FNTA: variants seen among roughly 807,000 people sequenced by gnomAD.
FNTA encodes the protein farnesyltransferase, CAAX box, subunit alpha, also known as protein farnesyltransferase/geranylgeranyltransferase type-1 subunit alpha.
Under a neutral mutation model 55.2 loss-of-function variants are expected in FNTA, and 27 were observed. That is an observed-to-expected ratio of 0.49 (90% CI 0.36 to 0.67). The LOEUF is 0.67. Among genes scored for constraint, FNTA ranks in the 30% least tolerant of loss-of-function variants. The pLI is 0.00. For synonymous variants in FNTA, 176 were observed against 170.7 expected (o/e 1.03, Z -0.24); for missense variants, 422 against 464.7 (o/e 0.91, Z 0.85).
chr8:43,071,235 T>C (rs755188891), intron 4 of FNTA, among the ~76,000 whole-genome samples: 8 of 152,198 alleles, frequency 5.3e-5, no homozygotes, highest in Non-Finnish European at 8.8e-5. Context: ...AATTCAGTGT[T>C]TTTTAGTATA....
intron 1 of FNTA, among the ~76,000 whole-genome samples, chr8:43,058,108 T>C (rs925348206): frequency 6.6e-6 from 1 of 152,224 alleles, no homozygotes; most frequent in Non-Finnish European, 1.5e-5. Flanking sequence ...TAAGTAGTCA[T>C]TGAATGCCGC....
At chr8:43,057,710 C>T (rs567395424) in intron 1 of FNTA, among the ~76,000 whole-genome samples, 1 of 152,162 alleles carries the variant, frequency 6.6e-6, no homozygotes, top group Non-Finnish European at 1.5e-5. Flanking sequence ...GTAATCCCAG[C>T]ACTTTGGGAG....
chr8:43,059,583 A>G (rs1437879434), intron 2 of FNTA, among the ~76,000 whole-genome samples: 2 of 152,210 alleles, frequency 1.3e-5, no homozygotes, highest in African/African-American at 4.8e-5. Flanking sequence ...TGTTCAGCTC[A>G]GTTGGAATAC....
At chr8:43,069,393 T>TACA (rs576342234) in intron 3 of FNTA, among the ~76,000 whole-genome samples, 162 bp from the exon 4 acceptor site, 238 of 152,218 alleles carry the variant, frequency 1.6e-3, no homozygotes, top group African/African-American at 5.6e-3. Context: ...GTGCTGGGAT[T>TACA]ACAAGCATGA....
chr8:43,067,186 G>A (rs1317412032), intron 3 of FNTA, among the ~76,000 whole-genome samples: 1 of 152,136 alleles, frequency 6.6e-6, no homozygotes, highest in Non-Finnish European at 1.5e-5. Context: ...TGTCACTTCT[G>A]TCATGGTAGT....
At position 43,085,234 on chromosome 8, in the gene FNTA, A is replaced by G. The variant is rs750245957; in HGVS notation, c.1092A>G (p.Gln364=). ...GGAGATACATTGGAAGATCCCTTCA[A>G]AGCAAACACAGCACAGAAAATGACT... ...EYWRYIGRSL[Q]SKHSTENDSP... is the part of the protein sequence containing the mutation. Residue 364 remains glutamine (Q), a synonymous_variant, in exon 9 of 9, where the codon CAA becomes CAG. Transcript: ENST00000302279. The G allele has an allele frequency of 3.7e-6, 6 of 1,609,424 alleles. 1 individual carries two copies. The South Asian group carries it at 6.6e-5, about 18-fold the overall frequency.
At chr8:43,075,118 C>A (rs1810880356) in intron 5 of FNTA, among the ~76,000 whole-genome samples, 1 of 152,126 alleles carries the variant, frequency 6.6e-6, no homozygotes, top group Admixed American at 6.5e-5. Context: ...AAACACTACT[C>A]TTTGTTTTTC....
At chr8:43,059,984 AAG>A (rs1810494265) in intron 2 of FNTA, among the ~76,000 whole-genome samples, 1 of 152,224 alleles carries the variant, frequency 6.6e-6, no homozygotes, top group South Asian at 2.1e-4. Flanking sequence ...ATGTGATAAA[AAG>A]GACATTTTAT....
At chr8:43,082,884 A>G in intron 6 of FNTA, 1 of 280,784 alleles carries the variant, frequency 3.6e-6, no homozygotes, top group Non-Finnish European at 6.7e-6. Context: ...TGTCTCTACT[A>G]AAAATACAAA....
At chr8:43,059,029 C>CACTA (rs563058130) in intron 1 of FNTA, 63 bp from the exon 2 acceptor site, 1 of 1,184,280 alleles carries the variant, frequency 8.4e-7, no homozygotes, top group South Asian at 1.3e-5. Context: ...ATTTTAAAAA[C>CACTA]ACTAGAGTCC....
In FNTA at chr8:43,075,028, C is replaced by CT. The variant is rs1444827480; in HGVS notation, c.634-2187dup. Among the ~76,000 whole-genome samples, 7 of 152,078 alleles carry CT rather than the reference C, an allele frequency of 4.6e-5. No individual in the cohort carries two copies. In the South Asian group the frequency reaches 8.4e-4, roughly 18 times the overall value. ...GTAAGATGTTTACCATTTGGGGAATCTAAGTGAAGGGTACACAGGGCACTG... is the reference window on the plus strand; with the variant it reads ...GTAAGATGTTTACCATTTGGGGAATCTTAAGTGAAGGGTACACAGGGCACTG... On this transcript the variant is annotated intron_variant, in intron 5 of 8. Transcript: ENST00000302279.
At chr8:43,068,646 T>C (rs1049280250) in intron 3 of FNTA, among the ~76,000 whole-genome samples, 3 of 152,228 alleles carry the variant, frequency 2.0e-5, no homozygotes, top group Non-Finnish European at 4.4e-5. Flanking sequence ...ATAATTTTAG[T>C]TGGTTGGCTG....
intron 7 of FNTA, among the ~76,000 whole-genome samples, chr8:43,083,664 T>C (rs1450034630): frequency 6.6e-6 from 1 of 152,004 alleles, no homozygotes; most frequent in Non-Finnish European, 1.5e-5. Flanking sequence ...ACATAAGAGG[T>C]CTTCAAGGAA....
intron 6 of FNTA, chr8:43,079,113 G>T: frequency 1.3e-5 from 2 of 158,358 alleles, no homozygotes; most frequent in South Asian, 1.8e-4. Flanking sequence ...TCCATAGCAT[G>T]GAAGTGCAAG....
chr8:43,077,373 TCTC>T lies in FNTA; in HGVS notation c.782+12_782+14del, dbSNP rs779676523. 1 of 1,598,378 alleles carries T rather than the reference TCTC, an allele frequency of 6.3e-7. No homozygotes were observed. The highest frequency in any genetic ancestry group is 8.5e-7 in the Non-Finnish European group (1 of 1,170,732). On this transcript the variant is annotated intron_variant, in intron 6 of 8. Coordinates refer to ENST00000302279, the MANE Select transcript of FNTA (RefSeq NM_002027.3). Reference sequence around the variant, plus strand: ...TTGGAGAGAGAAGTCCAGTTAGTAATCTCCTTCACTTGCTCATTCGTTACAAAC... The same window carrying T: ...TTGGAGAGAGAAGTCCAGTTAGTAATCTTCACTTGCTCATTCGTTACAAAC...
chr8:43,064,427 C>T (rs1267225761), intron 3 of FNTA, among the ~76,000 whole-genome samples: 2 of 152,112 alleles, frequency 1.3e-5, no homozygotes, highest in African/African-American at 4.8e-5. Flanking sequence ...ATTCTCCTGC[C>T]TCAGCCTTCT....
At chr8:43,076,296 G>GAAGTGGTGGGATTAC (rs1414842810) in intron 5 of FNTA, among the ~76,000 whole-genome samples, 1 of 151,882 alleles carries the variant, frequency 6.6e-6, no homozygotes, top group Non-Finnish European at 1.5e-5. Context: ...CACCCACCTC[G>GAAGTGGTGGGATTAC]ACCTCCCAAA....
At chr8:43,077,112 C>T in intron 5 of FNTA, 104 bp from the exon 6 acceptor site, 1 of 691,130 alleles carries the variant, frequency 1.4e-6, no homozygotes, top group South Asian at 2.8e-5. Context: ...GTGATAAATC[C>T]TGTGTCCTCA....
intron 1 of FNTA, 99 bp from the exon 2 acceptor site, chr8:43,058,993 A>G: frequency 2.4e-6 from 2 of 841,438 alleles, no homozygotes; most frequent in Admixed American, 2.7e-5. Flanking sequence ...TAAGTTATTA[A>G]TATCAATGTA....
Sources: allele counts gnomAD v4.1 joint callset (sites outside exome capture counted in the v4.1 genomes callset), GRCh38; gene constraint gnomAD v4.1.1; transcripts MANE v1.5; gene names NCBI Gene and HGNC (gene_info 2026-07-23, HGNC 2026-07-21).